The following JADE2 variants were observed in gnomAD, a reference collection of about 807,000 sequenced individuals.
JADE2 encodes jade family PHD finger 2.
A neutral mutation model predicts 85.7 loss-of-function variants in JADE2; 13 were observed. The ratio of observed to expected loss-of-function variants is 0.15; its 90% CI spans 0.10 to 0.24. The LOEUF (loss-of-function observed/expected upper bound fraction) is 0.24, where lower values mean the gene tolerates loss of function less well. JADE2 is among the 10% of genes least tolerant of loss of function. JADE2 has a pLI of 1.00. For missense variants in JADE2, 846 were observed against 1,115.9 expected, an observed-to-expected ratio of 0.76 and a Z score of 3.45; for synonymous variants, 440 against 456.1, an observed-to-expected ratio of 0.96 and a Z score of 0.45.
chr5:134,539,887 C>T (rs1227653336), intron 3 of JADE2, among the ~76,000 whole-genome samples: 1 of 152,212 alleles, frequency 6.6e-6, no homozygotes, highest in Non-Finnish European at 1.5e-5. Context: ...AGCTGCCCTC[C>T]TCTAGGACTC....
rs1424572219 is a variant in JADE2, at chr5:134,578,976, C to T, written c.2164C>T (p.Pro722Ser). The T allele has an allele frequency of 6.2e-7, 1 of 1,613,694 alleles. No individual in the cohort carries two copies. The highest frequency in any genetic ancestry group is 1.7e-5 in the Admixed American group (1 of 60,026). Reference protein sequence around the residue: ...ATPESPPPLAPETPDEAASVA... With the variant: ...ATPESPPPLASETPDEAASVA... ...CCCTGAAAGCCCCCCGCCACTGGCC[C>T]CTGAGACCCCGGACGAGGCAGCCTC... The change falls in exon 12 of 12, where the codon CCT becomes TCT. Residue 722 changes from proline (P) to serine (S), a missense_variant. Around this residue, in one of 9 missense-constraint regions of JADE2, gnomAD observed 300 missense variants for 300.7 expected, o/e 1.00. Coordinates refer to ENST00000681547, the MANE Select transcript of JADE2 (RefSeq NM_001388185.1). This position sits in a 1 kb window ranked among gnomAD's most constrained non-coding sequence, Gnocchi z 4.4.
chr5:134,582,460 G>A lies in JADE2; in HGVS notation c.*3143G>A, dbSNP rs2150041532. ...CTGGGACTAGCTGGGACAATTCCTA[G>A]AGATTCAACTGCCCAATTCTAACCA... On this transcript the variant is annotated 3_prime_UTR_variant, in exon 12 of 12. Coordinates refer to ENST00000681547, the MANE Select transcript of JADE2 (RefSeq NM_001388185.1). 6.6e-6 allele frequency: 1 copy of A among 152,282 alleles called. No individual in the cohort carries two copies. Among genetic ancestry groups the A allele is most frequent in the Non-Finnish European group, 1.5e-5 (1 of 68,030 alleles). The allele number at this position is 152,282 out of a possible 1,614,324, so 9.4% of individuals were successfully genotyped here.
chr5:134,550,741 C>G (rs1434243382), intron 3 of JADE2, among the ~76,000 whole-genome samples: 2 of 152,106 alleles, frequency 1.3e-5, no homozygotes, highest in East Asian at 3.8e-4. Flanking sequence ...CCAGTGCCAG[C>G]CCAGGCAGAG....
At position 134,541,133 on chromosome 5, in the gene JADE2, G is replaced by A. The variant is rs142743726; in HGVS notation, c.153+3050G>A. On this transcript the variant is annotated intron_variant, in intron 3 of 11. Transcript: ENST00000681547. Reference sequence around the variant, plus strand: ...CCTGGGAGACACCTCCCCACCTCAAGTCCTGGGCTCTAGAAGGGCCAATGA... The same window carrying A: ...CCTGGGAGACACCTCCCCACCTCAAATCCTGGGCTCTAGAAGGGCCAATGA... 2.2e-3 allele frequency among the ~76,000 whole-genome samples: 337 copies of A among 152,342 alleles called. 3 individuals carry two copies. The highest frequency in any genetic ancestry group is 7.9e-3 in the African/African-American group (327 of 41,582).
intron 11 of JADE2, among the ~76,000 whole-genome samples, chr5:134,577,285 G>C (rs1764436599): frequency 6.6e-6 from 1 of 152,198 alleles, no homozygotes; most frequent in Non-Finnish European, 1.5e-5. Context: ...AATCCTCTAA[G>C]TGGGCCCTTC....
At chr5:134,526,864 G>A in intron 1 of JADE2, 1 of 720,918 alleles carries the variant, frequency 1.4e-6, no homozygotes, top group South Asian at 6.2e-5. Flanking sequence ...AGAGGCGCTG[G>A]GAGAGTGGAA....
At position 134,566,797 on chromosome 5, in the gene JADE2, A is replaced by C. The variant is rs1326800321; in HGVS notation, c.1434+217A>C. Among the ~76,000 whole-genome samples, 1 of 152,214 alleles carries C rather than the reference A, an allele frequency of 6.6e-6. No homozygotes were observed. Among genetic ancestry groups the C allele is most frequent in the East Asian group, 1.9e-4 (1 of 5,196 alleles). On this transcript the variant is annotated intron_variant, in intron 9 of 11. Coordinates refer to ENST00000681547, the MANE Select transcript of JADE2 (RefSeq NM_001388185.1). This position sits in a 1 kb window ranked among gnomAD's most constrained non-coding sequence, Gnocchi z 6.7. The stretch of plus-strand genomic sequence containing the variant: ...CACTTTACAGAACAGAGAAGAGTCC[A>C]GTTCTTGAGTCTCCGAGTCCCTCTT...
intron 3 of JADE2, among the ~76,000 whole-genome samples, chr5:134,548,264 A>G (rs912945147): frequency 1.3e-5 from 2 of 152,236 alleles, no homozygotes; most frequent in Admixed American, 6.5e-5. Flanking sequence ...ACTCAAGGGC[A>G]TTAGGCAGTG....
At chr5:134,555,646 T>C (rs1224406282) in intron 4 of JADE2, among the ~76,000 whole-genome samples, 1 of 152,230 alleles carries the variant, frequency 6.6e-6, no homozygotes, top group African/African-American at 2.4e-5. Flanking sequence ...TGGGTAGTTA[T>C]GCCAGGAAGT....
At chr5:134,551,907 G>A (rs1043100527) in intron 3 of JADE2, 145 bp from the exon 4 acceptor site, 1 of 764,038 alleles carries the variant, frequency 1.3e-6, no homozygotes. Flanking sequence ...TATTTATTGT[G>A]CTGATTGCTT....
upstream of JADE2, among the ~76,000 whole-genome samples, chr5:134,524,115 T>G (rs1760674262): frequency 6.6e-6 from 1 of 152,166 alleles, no homozygotes; most frequent in Non-Finnish European, 1.5e-5. Context: ...CACGATGCTT[T>G]GGGGATGTTG....
At chr5:134,561,139 G>T (rs1763297822) in intron 6 of JADE2, among the ~76,000 whole-genome samples, 182 bp downstream of exon 6, 1 of 152,188 alleles carries the variant, frequency 6.6e-6, no homozygotes, top group African/African-American at 2.4e-5. Context: ...AGACTTGCTG[G>T]CCAGACTCAA....
At chr5:134,531,368 T>C (rs566551436) in intron 1 of JADE2, among the ~76,000 whole-genome samples, 1 of 152,328 alleles carries the variant, frequency 6.6e-6, no homozygotes, top group South Asian at 2.1e-4. Context: ...GCTTTGTCTT[T>C]TGATCTATGA....
chr5:134,542,435 C>CTT (rs10568722), intron 3 of JADE2, among the ~76,000 whole-genome samples: 171 of 93,346 alleles, frequency 1.8e-3, no homozygotes, highest in Non-Finnish European at 2.3e-3. Context: ...GTACCTATAC[C>CTT]TTTTTTTTTT....
At chr5:134,549,252 G>A (rs778164925) in intron 3 of JADE2, among the ~76,000 whole-genome samples, 5 of 152,096 alleles carry the variant, frequency 3.3e-5, no homozygotes, top group African/African-American at 4.8e-5. Flanking sequence ...GGCCGGGCGC[G>A]GTGGCTCACG....
chr5:134,534,267 C>T (rs1034997671), intron 1 of JADE2, among the ~76,000 whole-genome samples: 5 of 152,020 alleles, frequency 3.3e-5, no homozygotes, highest in Non-Finnish European at 5.9e-5. Context: ...TCTAGGGACT[C>T]GTTGAGGTCC....
intron 4 of JADE2, among the ~76,000 whole-genome samples, chr5:134,554,031 T>G (rs1432960476): frequency 6.6e-6 from 1 of 152,198 alleles, no homozygotes; most frequent in Non-Finnish European, 1.5e-5. Flanking sequence ...GTTTTGGCTG[T>G]CTACTCCTGG....
Position 134,580,055 on chromosome 5 carries a change from A to T in JADE2, c.*738A>T, listed in dbSNP as rs547724132. On this transcript the variant is annotated 3_prime_UTR_variant, in exon 12 of 12. Coordinates refer to ENST00000681547, the MANE Select transcript of JADE2 (RefSeq NM_001388185.1). ...TGTGCCATTTACTCAGGGGACTCCC[A>T]AACAGCCAGCTGCCAGTGCAGGTGG... 1 of 152,730 alleles carries T rather than the reference A, an allele frequency of 6.5e-6. No homozygotes were observed. The highest frequency in any genetic ancestry group is 1.5e-5 in the Non-Finnish European group (1 of 68,088). The allele number at this position is 152,730 out of a possible 1,614,324, so 9.5% of individuals were successfully genotyped here.
At position 134,554,759 on chromosome 5, in the gene JADE2, G is replaced by C. The variant is rs544780072; in HGVS notation, c.311+2550G>C. ...GCCTCTTCTGTTGCTATCTCCCTCC[G>C]GCCCAGCCACTGCATCCTCCTGGCA... On this transcript the variant is annotated intron_variant, in intron 4 of 11. Transcript: ENST00000681547. Among the ~76,000 whole-genome samples the C allele has an allele frequency of 2.6e-4, 40 of 152,030 alleles. 1 individual carries two copies. The highest frequency in any genetic ancestry group is 2.0e-4 in the Admixed American group (3 of 15,258).
Sources: allele counts gnomAD v4.1 joint callset (sites outside exome capture counted in the v4.1 genomes callset), GRCh38; gene constraint gnomAD v4.1.1; regional missense constraint gnomAD v4.1.1; non-coding constraint Gnocchi (gnomAD v3.1); transcripts MANE v1.5; gene names NCBI Gene and HGNC (gene_info 2026-07-23, HGNC 2026-07-21).